KIF13A: variants seen among roughly 807,000 people sequenced by gnomAD.
The protein encoded by KIF13A is kinesin family member 13A, also known as kinesin-like protein KIF13A.
In KIF13A, 79 loss-of-function variants were observed where a neutral mutation model predicts 212.2. The observed-to-expected ratio is 0.37, with a 90% CI of 0.31 to 0.45. The LOEUF (loss-of-function observed/expected upper bound fraction) is 0.45. Ranked by LOEUF, KIF13A falls within the 20% of genes least tolerant of loss-of-function variation. KIF13A has a pLI of 1.00. For missense variants in KIF13A, 1,901 were observed against 2,209.0 expected, an observed-to-expected ratio of 0.86 and a Z score of 2.79; for synonymous variants, 789 against 808.6, an observed-to-expected ratio of 0.98 and a Z score of 0.41.
downstream of KIF13A, chr6:17,761,002 G>A: frequency 1.1e-6 from 1 of 890,802 alleles, no homozygotes; most frequent in Non-Finnish European, 1.8e-6. Flanking sequence ...GGGACCCACA[G>A]GATTGGTTTT....
At chr6:17,778,688 AG>A (rs956579485) in intron 33 of KIF13A, among the ~76,000 whole-genome samples, 10 of 152,172 alleles carry the variant, frequency 6.6e-5, no homozygotes, top group African/African-American at 1.9e-4. Context: ...TACTTACCTC[AG>A]GGGGTTATCT....
In KIF13A at chr6:17,783,796, C is replaced by G; in HGVS notation, c.3489-95G>C. 3 of 816,554 alleles carry G rather than the reference C, an allele frequency of 3.7e-6. No homozygotes were observed. In the South Asian group the frequency reaches 4.4e-5, roughly 12 times the overall value. 50.6% of individuals were successfully genotyped at this position (816,554 alleles called of 1,614,324 possible). A position where few individuals can be genotyped will look rare whatever the true frequency, so the allele number is the denominator to read the frequency against. On this transcript the variant is annotated intron_variant, in intron 28 of 38. Coordinates refer to ENST00000259711, the MANE Select transcript of KIF13A (RefSeq NM_022113.6). The surrounding 1 kb of genome is among the most constrained non-coding windows in gnomAD (Gnocchi z 4.3). ...ACAGAGCTGTGGAAGCAAAGAGAAC[C>G]ATGGTGGAGATGCAGTTTCCACTAA... is the stretch of plus-strand genomic sequence containing the variant.
At chr6:17,781,003 A>C in intron 30 of KIF13A, 97 bp from the exon 31 acceptor site, 1 of 1,352,730 alleles carries the variant, frequency 7.4e-7, no homozygotes, top group Non-Finnish European at 1.0e-6. Context: ...AATTCAACTC[A>C]CTGTAATCAA....
chr6:17,950,608 G>C, intron 2 of KIF13A: 1 of 985,110 alleles, frequency 1.0e-6, no homozygotes, highest in Non-Finnish European at 1.2e-6. Context: ...TCCAACAGCT[G>C]AGCATCTTAA....
Position 17,771,367 on chromosome 6 carries a change from C to T in KIF13A, c.4477-149G>A, listed in dbSNP as rs1759479416. 1 of 601,216 alleles carries T rather than the reference C, an allele frequency of 1.7e-6. No homozygotes were observed. The allele number at this position is 601,216 out of a possible 1,614,324, so 37.2% of individuals were successfully genotyped here. On this transcript the variant is annotated intron_variant, in intron 37 of 38. Coordinates refer to ENST00000259711, the MANE Select transcript of KIF13A (RefSeq NM_022113.6). This position sits in a 1 kb window ranked among gnomAD's most constrained non-coding sequence, Gnocchi z 5.4. ...GCCAATTCTGCAGGCCAGAGTTAAA[C>T]TACTGGAGAGATATGACAGGAATAA... is the stretch of plus-strand genomic sequence containing the variant.
intron 2 of KIF13A, among the ~76,000 whole-genome samples, chr6:17,972,790 C>T (rs57506830): frequency 0.21 from 31,198 of 150,224 alleles, 3,607 homozygotes; most frequent in African/African-American, 0.31. Flanking sequence ...CTTCCCTTTC[C>T]TCAAAGGCTT....
In KIF13A at chr6:17,967,353, A is replaced by G. The variant is rs756616882; in HGVS notation, c.146+19701T>C. On this transcript the variant is annotated intron_variant, in intron 2 of 38. Coordinates refer to ENST00000259711, the MANE Select transcript of KIF13A (RefSeq NM_022113.6). The surrounding 1 kb of genome is among the most constrained non-coding windows in gnomAD (Gnocchi z 4.1). ...GCATCACAATGTTAAAAGAATGAGT[A>G]AACTGTATTTTACCTCTAATATCTT... is the stretch of plus-strand genomic sequence containing the variant. 9.9e-5 allele frequency among the ~76,000 whole-genome samples: 15 copies of G among 152,236 alleles called. No individual in the cohort carries two copies. Among genetic ancestry groups the G allele is most frequent in the Non-Finnish European group, 2.1e-4 (14 of 68,034 alleles).
intron 16 of KIF13A, among the ~76,000 whole-genome samples, chr6:17,821,283 T>C (rs144566133): frequency 7.6e-4 from 115 of 152,312 alleles, no homozygotes; most frequent in African/African-American, 2.6e-3. Context: ...AGGTTTCTTT[T>C]TACTTTTAAT....
chr6:17,970,792 TATATCC>T (rs1320572343), intron 2 of KIF13A, among the ~76,000 whole-genome samples: 1 of 152,198 alleles, frequency 6.6e-6, no homozygotes, highest in African/African-American at 2.4e-5. Flanking sequence ...TTAAAAGCCT[TATATCC>T]ATTCACCTGA....
In KIF13A at chr6:17,962,732, C is replaced by T. The variant is rs562581748; in HGVS notation, c.146+24322G>A. ...CTCTGGCCAGACAAATTCCTGTGGT[C>T]CTCTCTCTCTCTCTCCCTTTCCTCT... On this transcript the variant is annotated intron_variant, in intron 2 of 38. Coordinates refer to ENST00000259711, the MANE Select transcript of KIF13A (RefSeq NM_022113.6). Among the ~76,000 whole-genome samples, 41 of 151,330 alleles carry T rather than the reference C, an allele frequency of 2.7e-4. No homozygotes were observed. In the South Asian group the frequency reaches 8.6e-3, roughly 32 times the overall value.
At chr6:17,870,391 A>G (rs1208094890) in intron 4 of KIF13A, among the ~76,000 whole-genome samples, 1 of 152,208 alleles carries the variant, frequency 6.6e-6, no homozygotes, top group African/African-American at 2.4e-5. Flanking sequence ...GAAGAGCTAC[A>G]GAAATCTTGA....
intron 2 of KIF13A, among the ~76,000 whole-genome samples, chr6:17,942,877 G>A (rs1777068948): frequency 6.6e-6 from 1 of 152,152 alleles, no homozygotes; most frequent in African/African-American, 2.4e-5. Context: ...TACTCGGGAG[G>A]CTGAGGAAGG....
At position 17,764,723 on chromosome 6, in the gene KIF13A, T is replaced by A. The variant is rs758282538; in HGVS notation, c.4805A>T (p.His1602Leu). ...TSSITSGYFS[H>L]SASNATLSDM... is the part of the protein sequence containing the mutation. ...AGACAGGGTGGCATTGGAGGCACTG[T>A]GGGAAAAGTAGCCACTGGTAATACT... The change falls in exon 39 of 39, where the codon CAC becomes CTC. Residue 1602 changes from histidine (H) to leucine (L), a missense_variant. His to Leu is a moderately conservative substitution (Grantham distance 99, BLOSUM62 -3). This residue lies in a region of KIF13A where 687 missense variants were observed against 759.1 expected (regional missense o/e 0.90). Coordinates refer to ENST00000259711, the MANE Select transcript of KIF13A (RefSeq NM_022113.6). This position sits in a 1 kb window ranked among gnomAD's most constrained non-coding sequence, Gnocchi z 5.1. 9.3e-6 allele frequency: 15 copies of A among 1,613,018 alleles called. No individual in the cohort carries two copies. The South Asian group carries it at 1.5e-4, about 17-fold the overall frequency.
chr6:17,813,311 C>A (rs755828937), intron 17 of KIF13A, among the ~76,000 whole-genome samples: 9 of 152,154 alleles, frequency 5.9e-5, no homozygotes, highest in Admixed American at 2.6e-4. Context: ...GAAACCTCAT[C>A]TCTACTAAAA....
intron 18 of KIF13A, among the ~76,000 whole-genome samples, chr6:17,806,891 T>C (rs1283417475): frequency 6.6e-6 from 1 of 152,120 alleles, no homozygotes; most frequent in Non-Finnish European, 1.5e-5. Context: ...AAACAACAAC[T>C]GTTGCAGGAA....
chr6:17,761,441 T>TGGCACAATCTCAGCTCACTGCAAC (rs1215390549), downstream of KIF13A, among the ~76,000 whole-genome samples: 14 of 152,030 alleles, frequency 9.2e-5, no homozygotes, highest in Non-Finnish European at 1.6e-4. Flanking sequence ...TGGAATGCAA[T>TGGCACAATCTCAGCTCACTGCAAC]GGCACAATCT....
intron 2 of KIF13A, among the ~76,000 whole-genome samples, chr6:17,916,153 G>A (rs1375664526): frequency 6.6e-6 from 1 of 152,114 alleles, no homozygotes; most frequent in Admixed American, 6.5e-5. Flanking sequence ...GTTCATGGCA[G>A]TATTATTCTC....
rs187540384 is a variant in KIF13A, at chr6:17,939,239, C to G, written c.147-41059G>C. Among the ~76,000 whole-genome samples, 239 of 152,300 alleles carry G rather than the reference C, an allele frequency of 1.6e-3. 3 individuals are homozygous for G. Among genetic ancestry groups the G allele is most frequent in the Admixed American group, 0.015 (235 of 15,296 alleles). ...TAAACAACAATGCCTGCAAGGAATA[C>G]ATAAGACATTCTGGTGCATATTTCA... On this transcript the variant is annotated intron_variant, in intron 2 of 38. Coordinates refer to ENST00000259711, the MANE Select transcript of KIF13A (RefSeq NM_022113.6).
chr6:17,969,991 C>T (rs985484783), intron 2 of KIF13A, among the ~76,000 whole-genome samples: 15 of 151,676 alleles, frequency 9.9e-5, no homozygotes, highest in Non-Finnish European at 1.9e-4. Flanking sequence ...GGCGCGATCT[C>T]GGCTCACTGA....
Sources: allele counts gnomAD v4.1 joint callset (sites outside exome capture counted in the v4.1 genomes callset), GRCh38; gene constraint gnomAD v4.1.1; regional missense constraint gnomAD v4.1.1; non-coding constraint Gnocchi (gnomAD v3.1); transcripts MANE v1.5; gene names NCBI Gene and HGNC (gene_info 2026-07-23, HGNC 2026-07-21).